CACNA1C: variants seen among roughly 807,000 people sequenced by gnomAD.
The protein encoded by CACNA1C is calcium voltage-gated channel subunit alpha1 C, also known as voltage-dependent L-type calcium channel subunit alpha-1C.
In CACNA1C, 30 loss-of-function variants were observed where a neutral mutation model predicts 229.0. That is an observed-to-expected ratio of 0.13 (90% CI 0.10 to 0.18). The LOEUF (loss-of-function observed/expected upper bound fraction) is 0.18, where lower values mean the gene tolerates loss of function less well. Ranked by LOEUF, CACNA1C falls within the 10% of genes least tolerant of loss-of-function variation. The pLI is 1.00. For missense variants in CACNA1C, 1,658 were observed against 2,845.0 expected, an observed-to-expected ratio of 0.58 and a Z score of 9.49; for synonymous variants, 1,114 against 1,132.5, an observed-to-expected ratio of 0.98 and a Z score of 0.33.
At position 2,504,261 on chromosome 12, in the gene CACNA1C, A is replaced by G. The variant is rs545140434; in HGVS notation, c.1114-581A>G. On this transcript the variant is annotated intron_variant, in intron 7 of 46. Coordinates refer to ENST00000399655, the MANE Select transcript of CACNA1C (RefSeq NM_000719.7). This position sits in a 1 kb window ranked among gnomAD's most constrained non-coding sequence, Gnocchi z 6.8. ...GCGGGCCGAGGTCCCCTTCGGTCAC[A>G]GGAGTTCCTTTGAACATGGGCGATG... 4.6e-5 allele frequency among the ~76,000 whole-genome samples: 7 copies of G among 152,238 alleles called. No homozygotes were observed. The highest frequency in any genetic ancestry group is 2.1e-4 in the South Asian group (1 of 4,804).
At chr12:2,508,639 C>T (rs1447575823) in intron 8 of CACNA1C, among the ~76,000 whole-genome samples, 2 of 152,012 alleles carry the variant, frequency 1.3e-5, no homozygotes, top group Admixed American at 6.6e-5. Context: ...GGTGACAGAG[C>T]GAGACTCTGT....
intron 8 of CACNA1C, among the ~76,000 whole-genome samples, chr12:2,509,620 C>T (rs1598435526): frequency 6.6e-6 from 1 of 152,228 alleles, no homozygotes; most frequent in Non-Finnish European, 1.5e-5. Flanking sequence ...CGTGTTTTCT[C>T]TGTGCAGCAC....
intron 3 of CACNA1C, among the ~76,000 whole-genome samples, chr12:2,197,364 C>T (rs1460984906): frequency 6.6e-6 from 1 of 152,226 alleles, no homozygotes; most frequent in Non-Finnish European, 1.5e-5. Context: ...TGGATCCTCT[C>T]ATTGACTGTT....
intron 6 of CACNA1C, among the ~76,000 whole-genome samples, chr12:2,492,100 C>A (rs910196340): frequency 5.9e-5 from 9 of 152,066 alleles, no homozygotes; most frequent in Admixed American, 5.2e-4. Context: ...AGGACAATGT[C>A]CTTGATTTCA....
chr12:2,452,415 C>G (rs550478190), intron 4 of CACNA1C, among the ~76,000 whole-genome samples: 4 of 152,252 alleles, frequency 2.6e-5, no homozygotes, highest in African/African-American at 9.6e-5. Flanking sequence ...CCCTACCTCC[C>G]TAGCAGGGTG....
intron 3 of CACNA1C, among the ~76,000 whole-genome samples, chr12:2,394,589 C>T (rs2098540424): frequency 6.6e-6 from 1 of 152,058 alleles, no homozygotes; most frequent in Non-Finnish European, 1.5e-5. Context: ...ACTGTAAAAC[C>T]CTGGATGGGG....
intron 3 of CACNA1C, among the ~76,000 whole-genome samples, chr12:2,370,168 C>T (rs189336824): frequency 2.0e-5 from 3 of 152,170 alleles, no homozygotes; most frequent in Admixed American, 2.0e-4. Context: ...AAAGAAGATG[C>T]TATTTTTCAC....
chr12:2,464,246 T>C (rs543563107), intron 5 of CACNA1C, among the ~76,000 whole-genome samples: 1 of 152,302 alleles, frequency 6.6e-6, no homozygotes, highest in South Asian at 2.1e-4. Context: ...TGAATGTTTA[T>C]TGAGCACTCT....
At chr12:2,556,127 T>G (rs1246121540) in intron 10 of CACNA1C, among the ~76,000 whole-genome samples, 2 of 152,042 alleles carry the variant, frequency 1.3e-5, no homozygotes, top group Non-Finnish European at 2.9e-5. Flanking sequence ...ATTCTCTCAC[T>G]CTCCCTGTCT....
At chr12:2,298,116 C>A (rs771254247) in intron 3 of CACNA1C, among the ~76,000 whole-genome samples, 1 of 152,172 alleles carries the variant, frequency 6.6e-6, no homozygotes, top group Non-Finnish European at 1.5e-5. Context: ...GTGCTTGGTG[C>A]GGCAACTCAA....
chr12:2,415,883 C>A (rs2098887396), intron 3 of CACNA1C, among the ~76,000 whole-genome samples: 1 of 152,176 alleles, frequency 6.6e-6, no homozygotes, highest in Non-Finnish European at 1.5e-5. Flanking sequence ...ATCAGGCACC[C>A]CTTCCCCGCA....
intron 6 of CACNA1C, among the ~76,000 whole-genome samples, chr12:2,491,148 T>C (rs1279970848): frequency 6.6e-6 from 1 of 152,186 alleles, no homozygotes; most frequent in Non-Finnish European, 1.5e-5. Flanking sequence ...TAGTGTGTGA[T>C]TCCATTTATA....
intron 31 of CACNA1C, 134 bp downstream of exon 31, chr12:2,648,641 T>A: frequency 1.3e-6 from 1 of 765,086 alleles, no homozygotes; most frequent in Non-Finnish European, 2.3e-6. Flanking sequence ...GTGTCTGCCG[T>A]GTGCCTTGCC....
At chr12:2,161,696 G>A (rs754012414) in intron 3 of CACNA1C, among the ~76,000 whole-genome samples, 61 of 152,216 alleles carry the variant, frequency 4.0e-4, no homozygotes, top group Non-Finnish European at 4.4e-5. Flanking sequence ...CAGGATGTGC[G>A]AGAATGCTGT....
In CACNA1C at chr12:2,348,635, G is replaced by C. The variant is rs1166809279; in HGVS notation, c.478-100341G>C. On this transcript the variant is annotated intron_variant, in intron 3 of 46. Coordinates refer to ENST00000399655, the MANE Select transcript of CACNA1C (RefSeq NM_000719.7). The surrounding 1 kb of genome is among the most constrained non-coding windows in gnomAD (Gnocchi z 4.7). The stretch of plus-strand genomic sequence containing the variant: ...CCGTCCAGAGAATGTTTGGCATGCT[G>C]AATATAAACTCATGCTTCCGTCTGC... Among the ~76,000 whole-genome samples, 1 of 152,118 alleles carries C rather than the reference G, an allele frequency of 6.6e-6. No homozygotes were observed. The highest frequency in any genetic ancestry group is 2.4e-5 in the African/African-American group (1 of 41,432).
chr12:2,090,257 A>G (rs918148283), intron 1 of CACNA1C, among the ~76,000 whole-genome samples: 21 of 151,678 alleles, frequency 1.4e-4, no homozygotes, highest in African/African-American at 5.1e-4. Flanking sequence ...AGTGTGTGTC[A>G]GAATTTCATT....
intron 9 of CACNA1C, among the ~76,000 whole-genome samples, chr12:2,519,820 G>T (rs2099806051): frequency 6.6e-6 from 1 of 152,224 alleles, no homozygotes; most frequent in Admixed American, 6.5e-5. Flanking sequence ...CCATGTTGTA[G>T]TAAGGATCCA....
chr12:2,110,037 T>G (rs1325270885), intron 1 of CACNA1C, among the ~76,000 whole-genome samples: 1 of 151,938 alleles, frequency 6.6e-6, no homozygotes, highest in Non-Finnish European at 1.5e-5. Flanking sequence ...GGTGCAGAAA[T>G]AGAGATGGAT....
At chr12:2,221,305 T>C (rs558478611) in intron 3 of CACNA1C, among the ~76,000 whole-genome samples, 2 of 152,256 alleles carry the variant, frequency 1.3e-5, no homozygotes, top group African/African-American at 4.8e-5. Context: ...TCATTCTGCC[T>C]GTGGATTAGA....
Sources: gnomAD v4.1 joint callset for allele counts (sites outside exome capture counted in the v4.1 genomes callset) on GRCh38, gnomAD v4.1.1 for gene constraint, Gnocchi (gnomAD v3.1) non-coding constraint, MANE v1.5 for transcripts, NCBI Gene and HGNC (gene_info 2026-07-23, HGNC 2026-07-21) for gene names.